NUP35: variants seen among roughly 807,000 people sequenced by gnomAD.
NUP35 encodes nucleoporin 35.
In NUP35, 25 loss-of-function variants were observed where a neutral mutation model predicts 41.5. That is an observed-to-expected ratio of 0.60 (90% CI 0.44 to 0.84). NUP35 has a LOEUF of 0.84. Ranked by LOEUF, NUP35 falls within the 40% of genes least tolerant of loss-of-function variation. NUP35 has a pLI of 0.00. For synonymous variants in NUP35, 149 were observed against 130.7 expected (o/e 1.14, Z -0.96); for missense variants, 396 against 396.6 (o/e 1.00, Z 0.01).
At chr2:183,131,036 C>A in intron 3 of NUP35, 1 of 572,878 alleles carries the variant, frequency 1.7e-6, no homozygotes, top group Non-Finnish European at 2.9e-6. Flanking sequence ...GGCTAGAGTG[C>A]AGCGGCACAG....
At chr2:183,139,040 G>T (rs1211263111) in intron 4 of NUP35, among the ~76,000 whole-genome samples, 1 of 152,060 alleles carries the variant, frequency 6.6e-6, no homozygotes, top group African/African-American at 2.4e-5. Flanking sequence ...GATTTTTCCT[G>T]TGTCTTCAGT....
chr2:183,139,291 T>TA (rs1488553531), intron 4 of NUP35, among the ~76,000 whole-genome samples: 5 of 151,504 alleles, frequency 3.3e-5, no homozygotes, highest in Non-Finnish European at 7.4e-5. Context: ...CCTGCAGCCT[T>TA]AAACTCCCAG....
At chr2:183,125,744 A>G (rs1201834820) in intron 1 of NUP35, among the ~76,000 whole-genome samples, 1 of 152,254 alleles carries the variant, frequency 6.6e-6, no homozygotes, top group Non-Finnish European at 1.5e-5. Context: ...TTGCCTTGCC[A>G]GAAATCTGAC....
In NUP35 at chr2:183,155,758, C is replaced by T. The variant is rs185150452; in HGVS notation, c.540-1686C>T. Among the ~76,000 whole-genome samples the T allele has an allele frequency of 3.9e-5, 6 of 152,142 alleles. No homozygotes were observed. In the East Asian group the frequency reaches 1.2e-3, roughly 29 times the overall value. The stretch of plus-strand genomic sequence containing the variant: ...GCATGTTTTTGAAAATAGGTACCCA[C>T]TCTTAAATCTGTTTTTCAGGCTCAG... On this transcript the variant is annotated intron_variant, in intron 5 of 8. Transcript: ENST00000295119.
At chr2:183,136,069 T>C (rs897979200) in intron 4 of NUP35, among the ~76,000 whole-genome samples, 2 of 152,216 alleles carry the variant, frequency 1.3e-5, no homozygotes, top group Non-Finnish European at 2.9e-5. Context: ...TGGCCGTGTC[T>C]TTAAAGTCTA....
chr2:183,160,945 G>A (rs1174545803), intron 8 of NUP35, 109 bp from the exon 9 acceptor site: 6 of 737,314 alleles, frequency 8.1e-6, no homozygotes, highest in South Asian at 1.8e-5. Flanking sequence ...ACAATTTAGT[G>A]CTATAAATGC....
chr2:183,159,418 A>T, intron 7 of NUP35, 70 bp from the exon 8 acceptor site: 1 of 1,116,036 alleles, frequency 9.0e-7, no homozygotes, highest in Non-Finnish European at 1.2e-6. Context: ...TAAATTTTCT[A>T]AGTAGGATGT....
chr2:183,159,816 ATCTTGGCC>A (rs1685805141), intron 8 of NUP35, 164 bp downstream of exon 8: 1 of 507,504 alleles, frequency 2.0e-6, no homozygotes, highest in East Asian at 3.4e-5. Context: ...TAAAGTTAAC[ATCTTGGCC>A]AATTGGAAAG....
intron 4 of NUP35, among the ~76,000 whole-genome samples, chr2:183,147,442 A>G (rs1685318363): frequency 6.6e-6 from 1 of 152,154 alleles, no homozygotes; most frequent in Non-Finnish European, 1.5e-5. Context: ...TGAGTAAGGC[A>G]TCCTTTATCC....
At chr2:183,143,191 G>T (rs1400621618) in intron 4 of NUP35, among the ~76,000 whole-genome samples, 1 of 149,716 alleles carries the variant, frequency 6.7e-6, no homozygotes, top group Non-Finnish European at 1.5e-5. Flanking sequence ...ACAGCATTCT[G>T]TTCTTTCATA....
chr2:183,142,297 T>G (rs889074113), intron 4 of NUP35, among the ~76,000 whole-genome samples: 1 of 152,232 alleles, frequency 6.6e-6, no homozygotes, highest in South Asian at 2.1e-4. Context: ...ATTTGTTTGA[T>G]AATTGCTTTC....
At chr2:183,124,657 G>T (rs1700123972) in intron 1 of NUP35, among the ~76,000 whole-genome samples, 160 bp downstream of exon 1, 1 of 152,136 alleles carries the variant, frequency 6.6e-6, no homozygotes, top group African/African-American at 2.4e-5. Flanking sequence ...TCCCCTACTC[G>T]ACGCGTCGCC....
At chr2:183,145,706 A>G (rs1685255167) in intron 4 of NUP35, among the ~76,000 whole-genome samples, 1 of 152,222 alleles carries the variant, frequency 6.6e-6, no homozygotes, top group African/African-American at 2.4e-5. Flanking sequence ...AAATGGGACA[A>G]TAGACAAGAA....
chr2:183,134,971 T>C (rs72894514), intron 4 of NUP35, among the ~76,000 whole-genome samples: 11,824 of 152,190 alleles, frequency 0.078, 547 homozygotes, highest in South Asian at 0.17. Flanking sequence ...GGCTACTTAA[T>C]GTTTCTTGGC....
intron 3 of NUP35, among the ~76,000 whole-genome samples, chr2:183,133,169 C>G (rs1021664994): frequency 6.6e-6 from 1 of 152,044 alleles, no homozygotes; most frequent in Non-Finnish European, 1.5e-5. Context: ...TTCATGGTTT[C>G]TAAGTATCTG....
At chr2:183,154,367 A>G (rs993888726) in intron 5 of NUP35, among the ~76,000 whole-genome samples, 1 of 152,232 alleles carries the variant, frequency 6.6e-6, no homozygotes, top group Non-Finnish European at 1.5e-5. Context: ...AATTTTCTGA[A>G]CTTTTATGCT....
chr2:183,159,534 T>A lies in NUP35; in HGVS notation c.785T>A (p.Leu262Ter), dbSNP rs753503027. The A allele has an allele frequency of 6.2e-7, 1 of 1,613,650 alleles. No homozygotes were observed. Residue 262 changes from leucine (L) to a stop codon, truncating the protein, a stop_gained, in exon 8 of 9, where the codon TTA (leucine) becomes TAA (stop). Coordinates refer to ENST00000295119, the MANE Select transcript of NUP35 (RefSeq NM_138285.5). LOFTEE classifies it high-confidence loss of function. ...SDRCALSSPS[L>*]AFTPPIKTLG... ...AGATGTGCTTTATCATCTCCATCTT[T>A]AGCCTTTACACCACCAATCAAAACT...
At chr2:183,137,760 G>T (rs1294124021) in intron 4 of NUP35, among the ~76,000 whole-genome samples, 1 of 151,116 alleles carries the variant, frequency 6.6e-6, no homozygotes, top group African/African-American at 2.4e-5. Flanking sequence ...ACCACTGCAC[G>T]CGAGCCTGGG....
chr2:183,126,644 T>G (rs942787950), intron 1 of NUP35, among the ~76,000 whole-genome samples: 2 of 55,898 alleles, frequency 3.6e-5, no homozygotes, highest in African/African-American at 3.7e-4. Flanking sequence ...TTGAATTTGT[T>G]TTTTTTTTTG....
Sources: gnomAD v4.1 joint callset for allele counts (sites outside exome capture counted in the v4.1 genomes callset) on GRCh38, gnomAD v4.1.1 for gene constraint, MANE v1.5 for transcripts, NCBI Gene and HGNC (gene_info 2026-07-23, HGNC 2026-07-21) for gene names.